The following COL25A1 variants were observed in gnomAD, a reference collection of about 807,000 sequenced individuals.
COL25A1 encodes collagen alpha-1(XXV) chain.
Under a neutral mutation model 128.4 loss-of-function variants are expected in COL25A1, and 103 were observed. That is an observed-to-expected ratio of 0.80 (90% CI 0.68 to 0.94). The LOEUF (loss-of-function observed/expected upper bound fraction) is 0.94, where lower values mean the gene tolerates loss of function less well. COL25A1 is among the 40% of genes least tolerant of loss of function. The pLI, the probability that COL25A1 is intolerant of heterozygous loss-of-function variation, is 0.00. For missense variants in COL25A1, 745 were observed against 840.0 expected (o/e 0.89, Z 1.40); for synonymous variants, 279 against 277.2 (o/e 1.01, Z -0.06).
chr4:108,994,113 G>A (rs1026074886), intron 6 of COL25A1, among the ~76,000 whole-genome samples: 1 of 152,164 alleles, frequency 6.6e-6, no homozygotes, highest in Admixed American at 6.5e-5. Flanking sequence ...TTGGGCAGTG[G>A]GTGCAGCCCA....
At chr4:109,165,276 GA>G (rs778992525) in intron 3 of COL25A1, among the ~76,000 whole-genome samples, 18 of 152,130 alleles carry the variant, frequency 1.2e-4, no homozygotes, top group Non-Finnish European at 2.5e-4. Flanking sequence ...TGTAGGCTAA[GA>G]AAAAACTTCT....
At chr4:108,983,887 A>C (rs1018989222) in intron 6 of COL25A1, among the ~76,000 whole-genome samples, 1 of 152,122 alleles carries the variant, frequency 6.6e-6, no homozygotes, top group African/African-American at 2.4e-5. Flanking sequence ...GATTTATTGC[A>C]AAGAGCAAAA....
intron 11 of COL25A1, among the ~76,000 whole-genome samples, chr4:108,922,030 T>C (rs1745548942): frequency 6.6e-6 from 1 of 152,172 alleles, no homozygotes; most frequent in Admixed American, 6.5e-5. Context: ...CCTCCTCCTA[T>C]ACAAGGCAAA....
chr4:109,268,683 G>A (rs1781959626), intron 3 of COL25A1, among the ~76,000 whole-genome samples: 1 of 152,164 alleles, frequency 6.6e-6, no homozygotes, highest in Non-Finnish European at 1.5e-5. Flanking sequence ...TAAACCAGAA[G>A]TAATTTCTAA....
chr4:108,948,781 C>A (rs1749068761), intron 8 of COL25A1, among the ~76,000 whole-genome samples: 2 of 152,212 alleles, frequency 1.3e-5, no homozygotes, highest in South Asian at 4.2e-4. Context: ...TCTGTATGAA[C>A]AAATATCATT....
chr4:108,965,273 T>C (rs1010601534), intron 8 of COL25A1, among the ~76,000 whole-genome samples: 4 of 152,188 alleles, frequency 2.6e-5, no homozygotes, highest in East Asian at 1.9e-4. Context: ...GGGTGGCTTA[T>C]TGAAACTGTG....
At position 108,974,355 on chromosome 4, in the gene COL25A1, A is replaced by G. The variant is rs754644293; in HGVS notation, c.492+12T>C. ...CTAATTTTCCGCCCAAGATAGGTAG[A>G]GCACAACTTACCCTAGGTCCCTGAT... On this transcript the variant is annotated intron_variant, in intron 8 of 37. Coordinates refer to ENST00000399132, the MANE Select transcript of COL25A1 (RefSeq NM_198721.4). The G allele has an allele frequency of 1.9e-6, 3 of 1,613,904 alleles. No homozygotes were observed. Among genetic ancestry groups the G allele is most frequent in the Non-Finnish European group, 1.7e-6 (2 of 1,179,788 alleles).
At chr4:108,909,993 G>C (rs1744018016) in intron 13 of COL25A1, among the ~76,000 whole-genome samples, 1 of 152,114 alleles carries the variant, frequency 6.6e-6, no homozygotes, top group Non-Finnish European at 1.5e-5. Flanking sequence ...CAGCAGTATG[G>C]TCCACTCTTT....
At chr4:109,214,828 A>G (rs1030843597) in intron 3 of COL25A1, among the ~76,000 whole-genome samples, 3 of 152,142 alleles carry the variant, frequency 2.0e-5, no homozygotes, top group Non-Finnish European at 4.4e-5. Context: ...TGTGAAAGCC[A>G]TGGTTACCCT....
At chr4:108,890,277 C>T (rs1433263272) in intron 16 of COL25A1, among the ~76,000 whole-genome samples, 4 of 152,174 alleles carry the variant, frequency 2.6e-5, no homozygotes, top group Admixed American at 6.5e-5. Flanking sequence ...CCTCATGAAG[C>T]ACTGTCACAG....
At chr4:109,236,942 A>G (rs995550414) in intron 3 of COL25A1, among the ~76,000 whole-genome samples, 4 of 152,094 alleles carry the variant, frequency 2.6e-5, no homozygotes, top group African/African-American at 9.6e-5. Context: ...TTCTAGGAAC[A>G]TTGTTATACA....
intron 3 of COL25A1, among the ~76,000 whole-genome samples, chr4:109,089,896 C>G (rs539323298): frequency 2.0e-5 from 3 of 151,970 alleles, no homozygotes; most frequent in African/African-American, 7.3e-5. Flanking sequence ...TGAGCCACCA[C>G]GCCCAGCTAT....
At chr4:108,874,703 TTTAAAG>T (rs1739222440) in intron 19 of COL25A1, among the ~76,000 whole-genome samples, 1 of 152,178 alleles carries the variant, frequency 6.6e-6, no homozygotes, top group Non-Finnish European at 1.5e-5. Flanking sequence ...AGTGTTTATC[TTTAAAG>T]TTAATGTTCT....
At chr4:109,268,816 G>C (rs953065011) in intron 3 of COL25A1, among the ~76,000 whole-genome samples, 1 of 152,076 alleles carries the variant, frequency 6.6e-6, no homozygotes, top group Non-Finnish European at 1.5e-5. Context: ...GAGACCAAAG[G>C]CTCCCTCATT....
intron 35 of COL25A1, chr4:108,819,758 C>G: frequency 1.1e-6 from 1 of 950,726 alleles, no homozygotes; most frequent in East Asian, 3.3e-5. Context: ...TGCTCTTCTC[C>G]CATCTGATCC....
intron 3 of COL25A1, among the ~76,000 whole-genome samples, chr4:109,207,526 T>G (rs114408437): frequency 1.6e-3 from 247 of 152,298 alleles, no homozygotes; most frequent in African/African-American, 5.8e-3. Context: ...GAATGTCACT[T>G]TTCATTGAAA....
chr4:109,051,986 C>T (rs963990921), intron 3 of COL25A1, among the ~76,000 whole-genome samples: 1 of 152,064 alleles, frequency 6.6e-6, no homozygotes, highest in Non-Finnish European at 1.5e-5. Flanking sequence ...TTTGACTGAC[C>T]GTTGTCTCAC....
chr4:109,260,582 G>A (rs912754790), intron 3 of COL25A1, among the ~76,000 whole-genome samples: 1 of 151,938 alleles, frequency 6.6e-6, no homozygotes, highest in Non-Finnish European at 1.5e-5. Flanking sequence ...TGCAAGCTCC[G>A]CCTCCCAGGT....
intron 11 of COL25A1, among the ~76,000 whole-genome samples, chr4:108,931,325 C>A (rs1746706599): frequency 6.6e-6 from 1 of 152,054 alleles, no homozygotes; most frequent in Non-Finnish European, 1.5e-5. Flanking sequence ...GAATCTAAGG[C>A]CTAGATACCT....
Sources: allele counts gnomAD v4.1 joint callset (sites outside exome capture counted in the v4.1 genomes callset), GRCh38; gene constraint gnomAD v4.1.1; transcripts MANE v1.5; gene names NCBI Gene and HGNC (gene_info 2026-07-23, HGNC 2026-07-21).